TENM4: variants seen among roughly 807,000 people sequenced by gnomAD.
TENM4 encodes teneurin transmembrane protein 4.
A neutral mutation model predicts 243.3 loss-of-function variants in TENM4; 82 were observed. That is an observed-to-expected ratio of 0.34 (90% CI 0.28 to 0.40). The LOEUF is 0.40. Among genes scored for constraint, TENM4 ranks in the 10% least tolerant of loss-of-function variants. The probability of loss-of-function intolerance (pLI) is 1.00; values close to 1 mark genes in which losing one functional copy is unlikely to be tolerated. For synonymous variants in TENM4, 1,412 were observed against 1,456.3 expected, an observed-to-expected ratio of 0.97 and a Z score of 0.69; for missense variants, 3,138 against 3,673.3, an observed-to-expected ratio of 0.85 and a Z score of 3.77.
chr11:79,088,987 G>A (rs921070743), intron 4 of TENM4, among the ~76,000 whole-genome samples: 21 of 152,176 alleles, frequency 1.4e-4, no homozygotes, highest in African/African-American at 4.8e-4. Flanking sequence ...CTGCCATCCT[G>A]CCTCTCCTGC....
At chr11:79,070,185 C>T (rs531131963) in intron 4 of TENM4, among the ~76,000 whole-genome samples, 176 bp from the exon 5 acceptor site, 1 of 152,296 alleles carries the variant, frequency 6.6e-6, no homozygotes, top group Admixed American at 6.5e-5. Context: ...GCACCCAGGA[C>T]CTCTAATTAC....
intron 28 of TENM4, 25 bp downstream of exon 28, chr11:78,701,501 C>A: frequency 4.6e-6 from 7 of 1,536,542 alleles, no homozygotes; most frequent in Non-Finnish European, 6.1e-6. Flanking sequence ...ACAAAATCAT[C>A]AAATGGCCTT....
intron 12 of TENM4, among the ~76,000 whole-genome samples, chr11:78,830,676 G>C (rs1371349466): frequency 3.3e-5 from 5 of 152,192 alleles, no homozygotes; most frequent in African/African-American, 9.7e-5. Context: ...GGGGAGAGCA[G>C]CTTTAATTAA....
intron 2 of TENM4, among the ~76,000 whole-genome samples, chr11:79,271,216 C>G (rs548162680): frequency 7.9e-5 from 12 of 152,304 alleles, no homozygotes; most frequent in African/African-American, 2.6e-4. Flanking sequence ...TCAAACTGAA[C>G]TCAACAGCCA....
chr11:79,367,918 G>A (rs1356376047), intron 1 of TENM4, among the ~76,000 whole-genome samples: 1 of 152,154 alleles, frequency 6.6e-6, no homozygotes, highest in Non-Finnish European at 1.5e-5. Flanking sequence ...AGCCTCCTTT[G>A]TGTCAGATTA....
chr11:78,995,531 TA>T (rs1858151873), intron 6 of TENM4, among the ~76,000 whole-genome samples: 1 of 152,124 alleles, frequency 6.6e-6, no homozygotes, highest in Non-Finnish European at 1.5e-5. Flanking sequence ...TCTAAAAAAA[TA>T]GTATAAGACA....
intron 1 of TENM4, among the ~76,000 whole-genome samples, chr11:79,326,890 A>G (rs514776): frequency 0.84 from 127,712 of 151,908 alleles, 54,242 homozygotes; most frequent in African/African-American, 0.94. Flanking sequence ...ATATCTATTC[A>G]CCATTATATA....
chr11:79,228,289 ATTTGCT>A (rs962623988), intron 2 of TENM4, among the ~76,000 whole-genome samples: 1 of 152,114 alleles, frequency 6.6e-6, no homozygotes, highest in Admixed American at 6.5e-5. Flanking sequence ...GCCAGGACAC[ATTTGCT>A]TTTTGCTTCT....
intron 2 of TENM4, among the ~76,000 whole-genome samples, chr11:79,297,046 G>A (rs546877608): frequency 6.6e-6 from 1 of 152,298 alleles, no homozygotes; most frequent in Non-Finnish European, 1.5e-5. Flanking sequence ...CTTGCCTAAG[G>A]TCACAGAGCA....
intron 6 of TENM4, among the ~76,000 whole-genome samples, chr11:78,999,252 G>A (rs564956774): frequency 2.6e-5 from 4 of 152,294 alleles, no homozygotes; most frequent in Non-Finnish European, 4.4e-5. Context: ...GGTGGCTCAC[G>A]CCCGTAATCC....
chr11:79,115,058 A>C (rs1368152671), intron 4 of TENM4, among the ~76,000 whole-genome samples: 2 of 152,196 alleles, frequency 1.3e-5, no homozygotes, highest in East Asian at 3.9e-4. Context: ...TAACTAAACA[A>C]TTATCTATGT....
At chr11:78,737,066 G>A (rs1049164309) in intron 20 of TENM4, among the ~76,000 whole-genome samples, 1 of 152,226 alleles carries the variant, frequency 6.6e-6, no homozygotes, top group African/African-American at 2.4e-5. Context: ...AAGGACTGAC[G>A]ATTTGCCATC....
chr11:79,154,073 C>T (rs1194795263), intron 3 of TENM4, among the ~76,000 whole-genome samples: 1 of 151,984 alleles, frequency 6.6e-6, no homozygotes, highest in African/African-American at 2.4e-5. Context: ...TCCTCAAGAG[C>T]TTCCTCTTGC....
At chr11:79,010,267 T>C (rs1039048838) in intron 6 of TENM4, among the ~76,000 whole-genome samples, 1 of 152,096 alleles carries the variant, frequency 6.6e-6, no homozygotes, top group Non-Finnish European at 1.5e-5. Flanking sequence ...GAATTAAAAA[T>C]ACGGTTTCTG....
At chr11:78,795,854 G>A (rs1303451090) in intron 15 of TENM4, among the ~76,000 whole-genome samples, 1 of 152,158 alleles carries the variant, frequency 6.6e-6, no homozygotes, top group African/African-American at 2.4e-5. Flanking sequence ...GAAGCCAGAA[G>A]GGGAAGAAGG....
At chr11:78,659,831 A>G (rs988471283) in intron 33 of TENM4, among the ~76,000 whole-genome samples, 2 of 152,224 alleles carry the variant, frequency 1.3e-5, no homozygotes, top group African/African-American at 4.8e-5. Flanking sequence ...GAGAAGCCAC[A>G]CTCAGGAAGG....
intron 2 of TENM4, among the ~76,000 whole-genome samples, chr11:79,274,435 A>C (rs552335885): frequency 2.6e-4 from 40 of 152,342 alleles, no homozygotes; most frequent in African/African-American, 8.9e-4. Flanking sequence ...TGCTGATTTG[A>C]TCATCTGAGG....
At chr11:78,827,120 G>A (rs1857870855) in intron 12 of TENM4, among the ~76,000 whole-genome samples, 1 of 152,098 alleles carries the variant, frequency 6.6e-6, no homozygotes, top group African/African-American at 2.4e-5. Context: ...ATATCACTAT[G>A]AAATAATGAT....
chr11:79,029,598 G>A (rs1049479835), intron 6 of TENM4, among the ~76,000 whole-genome samples: 1 of 152,166 alleles, frequency 6.6e-6, no homozygotes, highest in African/African-American at 2.4e-5. Context: ...GGGAGTGGAA[G>A]GCCCAAGAGA....
Sources: gnomAD v4.1 joint callset for allele counts (sites outside exome capture counted in the v4.1 genomes callset) on GRCh38, gnomAD v4.1.1 for gene constraint, MANE v1.5 for transcripts, NCBI Gene and HGNC (gene_info 2026-07-23, HGNC 2026-07-21) for gene names.